Variants in DACH1 observed in about 807,000 individuals in gnomAD.
DACH1 encodes the protein dachshund homolog 1.
A neutral mutation model predicts 54.2 loss-of-function variants in DACH1; 12 were observed. The observed-to-expected ratio is 0.22, with a 90% confidence interval of 0.14 to 0.36. The LOEUF (loss-of-function observed/expected upper bound fraction) is 0.36. DACH1 is among the 10% of genes least tolerant of loss of function. DACH1 has a pLI of 1.00. For synonymous variants in DACH1, 386 were observed against 366.2 expected (o/e 1.05, Z -0.62); for missense variants, 805 against 929.8 (o/e 0.87, Z 1.75).
chr13:71,626,856 G>A (rs908061501), intron 3 of DACH1, among the ~76,000 whole-genome samples: 4 of 152,068 alleles, frequency 2.6e-5, no homozygotes, highest in African/African-American at 9.7e-5. Flanking sequence ...GTAAGCAGGA[G>A]ATTTGTCCAT....
intron 6 of DACH1, among the ~76,000 whole-genome samples, chr13:71,530,736 C>G (rs1245713977): frequency 2.0e-5 from 3 of 152,046 alleles, no homozygotes; most frequent in South Asian, 2.1e-4. Flanking sequence ...TAATCATATC[C>G]TTAATATTAG....
chr13:71,606,085 T>C (rs1044319755), intron 3 of DACH1, among the ~76,000 whole-genome samples: 1 of 152,058 alleles, frequency 6.6e-6, no homozygotes, highest in African/African-American at 2.4e-5. Flanking sequence ...AGAGTACTAT[T>C]TTTCTGCTAG....
intron 2 of DACH1, among the ~76,000 whole-genome samples, chr13:71,635,067 T>C (rs1239909854): frequency 1.3e-5 from 2 of 152,210 alleles, no homozygotes; most frequent in Non-Finnish European, 1.5e-5. Flanking sequence ...TCTGCTGCGG[T>C]GCTTGGCACA....
rs187452442 is a variant in DACH1, at chr13:71,531,171, G to A, written c.1570+25853C>T. 7.9e-5 allele frequency among the ~76,000 whole-genome samples: 12 copies of A among 152,156 alleles called. No individual in the cohort carries two copies. In the East Asian group the frequency reaches 2.3e-3, roughly 29 times the overall value. Reference sequence around the variant, plus strand: ...TTACACATATCTTATTAGGAGGAGAGTATTCCTCTAACTTTTCGGGAAGAG... The same window carrying A: ...TTACACATATCTTATTAGGAGGAGAATATTCCTCTAACTTTTCGGGAAGAG... On this transcript the variant is annotated intron_variant, in intron 6 of 10. Coordinates refer to ENST00000613252, the MANE Select transcript of DACH1 (RefSeq NM_080759.6).
chr13:71,565,121 C>T (rs1299234316), intron 4 of DACH1, among the ~76,000 whole-genome samples: 1 of 152,006 alleles, frequency 6.6e-6, no homozygotes, highest in African/African-American at 2.4e-5. Context: ...GGGGTTTCAG[C>T]ATGTCGGTCA....
At chr13:71,455,994 C>CA (rs947117226) in intron 10 of DACH1, among the ~76,000 whole-genome samples, 37 of 151,716 alleles carry the variant, frequency 2.4e-4, no homozygotes, top group African/African-American at 8.7e-4. Context: ...GCAGTAACAA[C>CA]AAAAAAAGGC....
At chr13:71,555,747 A>G (rs1432022427) in intron 6 of DACH1, among the ~76,000 whole-genome samples, 1 of 152,164 alleles carries the variant, frequency 6.6e-6, no homozygotes, top group Non-Finnish European at 1.5e-5. Context: ...ATTCTGCTTT[A>G]TTGTTAATGA....
chr13:71,766,137 C>T (rs995729127), intron 1 of DACH1, among the ~76,000 whole-genome samples: 35 of 152,206 alleles, frequency 2.3e-4, no homozygotes, highest in Non-Finnish European at 5.0e-4. Flanking sequence ...CCGTCCGCCT[C>T]GGCCTCCCAA....
intron 1 of DACH1, among the ~76,000 whole-genome samples, chr13:71,720,231 T>A (rs1341537797): frequency 1.3e-5 from 2 of 152,120 alleles, no homozygotes; most frequent in African/African-American, 4.8e-5. Flanking sequence ...TAGCATGGCT[T>A]ATTCCAGCAT....
At chr13:71,814,012 G>A (rs1887819450) in intron 1 of DACH1, among the ~76,000 whole-genome samples, 1 of 152,098 alleles carries the variant, frequency 6.6e-6, no homozygotes, top group Non-Finnish European at 1.5e-5. Context: ...GAGGGCAAAG[G>A]ATAAAATTAA....
At chr13:71,604,120 T>G (rs951403576) in intron 3 of DACH1, among the ~76,000 whole-genome samples, 1 of 152,096 alleles carries the variant, frequency 6.6e-6, no homozygotes, top group African/African-American at 2.4e-5. Context: ...TGATGTCATA[T>G]TTAATGAATA....
At chr13:71,609,669 G>A (rs942888550) in intron 3 of DACH1, among the ~76,000 whole-genome samples, 6 of 151,812 alleles carry the variant, frequency 4.0e-5, no homozygotes, top group Non-Finnish European at 7.4e-5. Context: ...GGGATTACAC[G>A]TGCTCACCAA....
intron 6 of DACH1, among the ~76,000 whole-genome samples, chr13:71,496,902 A>T (rs1009758336): frequency 2.0e-5 from 3 of 152,200 alleles, no homozygotes; most frequent in African/African-American, 7.2e-5. Flanking sequence ...CTTAATGCCC[A>T]TTCTTCAAAT....
intron 2 of DACH1, among the ~76,000 whole-genome samples, chr13:71,665,879 C>T (rs1879799651): frequency 6.6e-6 from 1 of 152,010 alleles, no homozygotes; most frequent in Admixed American, 6.6e-5. Flanking sequence ...TCCATTTGAG[C>T]AGACTATTTA....
At chr13:71,649,388 T>A (rs961206587) in intron 2 of DACH1, among the ~76,000 whole-genome samples, 3 of 152,176 alleles carry the variant, frequency 2.0e-5, no homozygotes, top group Admixed American at 2.0e-4. Context: ...TAAAATTGTG[T>A]AAAATTTGGA....
chr13:71,836,264 A>C (rs1888779724), intron 1 of DACH1, among the ~76,000 whole-genome samples: 1 of 152,076 alleles, frequency 6.6e-6, no homozygotes, highest in African/African-American at 2.4e-5. Context: ...ATTTTCCAAA[A>C]AAAAAGACTA....
chr13:71,798,323 C>CATATATATATATATAT (rs35310464), intron 1 of DACH1, among the ~76,000 whole-genome samples: 1 of 96,466 alleles, frequency 1.0e-5, no homozygotes, highest in African/African-American at 3.7e-5. Context: ...TTGTTACATA[C>CATATATATATATATAT]ATATATATAT....
chr13:71,708,079 AAAAC>A (rs1030331501), intron 1 of DACH1, among the ~76,000 whole-genome samples: 1 of 152,174 alleles, frequency 6.6e-6, no homozygotes, highest in Admixed American at 6.5e-5. Flanking sequence ...TTTATAGCAA[AAAAC>A]AAACAAACTG....
chr13:71,664,420 A>T (rs1046460646), intron 2 of DACH1, among the ~76,000 whole-genome samples: 6 of 152,040 alleles, frequency 3.9e-5, no homozygotes, highest in African/African-American at 1.4e-4. Flanking sequence ...AGAATTTGAG[A>T]TGCTTACTAG....
Sources: allele counts gnomAD v4.1 joint callset (sites outside exome capture counted in the v4.1 genomes callset), GRCh38; gene constraint gnomAD v4.1.1; transcripts MANE v1.5; gene names NCBI Gene and HGNC (gene_info 2026-07-23, HGNC 2026-07-21).